MMUT: variants seen among roughly 807,000 people sequenced by gnomAD.
The protein encoded by MMUT is methylmalonyl-CoA mutase, mitochondrial.
Under a neutral mutation model 79.9 loss-of-function variants are expected in MMUT, and 79 were observed. The ratio of observed to expected loss-of-function variants is 0.99; its 90% CI spans 0.82 to 1.19. The LOEUF (loss-of-function observed/expected upper bound fraction) is 1.19, where lower values mean the gene tolerates loss of function less well. Among genes scored for constraint, MMUT ranks in the 50% most tolerant of loss-of-function variants. The pLI, the probability that MMUT is intolerant of heterozygous loss-of-function variation, is 0.00. For synonymous variants in MMUT, 273 were observed against 295.7 expected (o/e 0.92, Z 0.79); for missense variants, 860 against 917.2 (o/e 0.94, Z 0.81).
Position 49,431,628 on chromosome 6 carries a change from A to T in MMUT, c.*100T>A. The T allele has an allele frequency of 3.1e-6, 4 of 1,289,454 alleles. No homozygotes were observed. The highest frequency in any genetic ancestry group is 4.4e-6 in the Non-Finnish European group (4 of 899,754). The allele number at this position is 1,289,454 out of a possible 1,614,324, so 79.9% of individuals were successfully genotyped here. ...AAAGTAAAGCTTTCAAGGAAAGTAC[A>T]AATCAGGTATTGAAATTAAATTGAA... is the stretch of plus-strand genomic sequence containing the variant. On this transcript the variant is annotated 3_prime_UTR_variant, in exon 13 of 13. Transcript: ENST00000274813.
intron 12 of MMUT, 94 bp from the exon 13 acceptor site, chr6:49,431,950 A>C: frequency 7.0e-7 from 1 of 1,433,708 alleles, no homozygotes; most frequent in Non-Finnish European, 9.8e-7. Context: ...TCAATTACCC[A>C]AAACCTTCTC....
At chr6:49,455,345 A>T (rs1767659873) in intron 4 of MMUT, among the ~76,000 whole-genome samples, 1 of 152,214 alleles carries the variant, frequency 6.6e-6, no homozygotes, top group Non-Finnish European at 1.5e-5. Context: ...GCATAAAAAC[A>T]GTTTTGATCT....
intron 9 of MMUT, 50 bp from the exon 10 acceptor site, chr6:49,442,021 A>G (rs1193725281): frequency 1.3e-6 from 2 of 1,538,758 alleles, no homozygotes; most frequent in African/African-American, 1.4e-5. Context: ...TGTGATAAAG[A>G]TATCTGTTTA....
intron 8 of MMUT, among the ~76,000 whole-genome samples, chr6:49,445,119 T>C (rs1767379433): frequency 6.6e-6 from 1 of 152,034 alleles, no homozygotes; most frequent in African/African-American, 2.4e-5. Flanking sequence ...ACACTAAAGA[T>C]TAATAGTGAC....
chr6:49,435,691 G>A, intron 11 of MMUT, 68 bp from the exon 12 acceptor site: 2 of 1,495,918 alleles, frequency 1.3e-6, no homozygotes, highest in Non-Finnish European at 1.8e-6. Flanking sequence ...AACCCTGGAA[G>A]ACAATCTAGG....
chr6:49,452,966 C>A (rs553576203), intron 5 of MMUT, among the ~76,000 whole-genome samples: 4 of 150,498 alleles, frequency 2.7e-5, no homozygotes, highest in African/African-American at 9.8e-5. Context: ...ATAACTCTTA[C>A]AATTATATGA....
Position 49,431,296 on chromosome 6 carries a change from T to G in MMUT, c.*432A>C, listed in dbSNP as rs2127411853. On this transcript the variant is annotated 3_prime_UTR_variant, in exon 13 of 13. Coordinates refer to ENST00000274813, the MANE Select transcript of MMUT (RefSeq NM_000255.4). ...ACTCCACTAGTTTTTCAAGATAGGTTTTTATTAATATATGGATTTTATTTT... is the reference window on the plus strand; with the variant it reads ...ACTCCACTAGTTTTTCAAGATAGGTGTTTATTAATATATGGATTTTATTTT... 1.3e-5 allele frequency: 2 copies of G among 153,802 alleles called. No individual in the cohort carries two copies. The highest frequency in any genetic ancestry group is 4.0e-4 in the South Asian group (2 of 4,948). The allele number at this position is 153,802 out of a possible 1,614,324, so 9.5% of individuals were successfully genotyped here.
intron 4 of MMUT, among the ~76,000 whole-genome samples, chr6:49,454,536 G>A (rs1767639096): frequency 6.6e-6 from 1 of 152,128 alleles, no homozygotes; most frequent in Admixed American, 6.5e-5. Context: ...TTGAATTCCT[G>A]GCCTCATGTG....
rs1767734243 is a variant in MMUT, at chr6:49,457,894, C to T, written c.550G>A (p.Val184Ile). 1 of 1,613,884 alleles carries T rather than the reference C, an allele frequency of 6.2e-7. No homozygotes were observed. The highest frequency in any genetic ancestry group is 8.5e-7 in the Non-Finnish European group (1 of 1,179,916). The change falls in exon 3 of 13, where the codon GTT becomes ATT. Residue 184 changes from valine (V) to isoleucine (I), a missense_variant. Val to Ile is a conservative substitution (Grantham distance 29). Transcript: ENST00000274813. ...ACTGCTCCATTCATAGTCATGGAAA[C>T]TGACATTTTTTCTAAAGGAATTCCA... is the stretch of plus-strand genomic sequence containing the variant. Reference protein sequence around the residue: ...FDGIPLEKMSVSMTMNGAVIP... With the variant: ...FDGIPLEKMSISMTMNGAVIP...
chr6:49,430,550 C>A lies in MMUT; in HGVS notation c.*1178G>T, dbSNP rs1359330125. 1 of 152,050 alleles carries A rather than the reference C, an allele frequency of 6.6e-6. No individual in the cohort carries two copies. The highest frequency in any genetic ancestry group is 1.5e-5 in the Non-Finnish European group (1 of 68,008). 9.4% of individuals were successfully genotyped at this position (152,050 alleles called of 1,614,324 possible). A position where few individuals can be genotyped will look rare whatever the true frequency, so the allele number is the denominator to read the frequency against. Reference sequence around the variant, plus strand: ...AATGGGAACAATAATCATGACAATACCATTCAGATAATCATATTCTGAAAA... The same window carrying A: ...AATGGGAACAATAATCATGACAATAACATTCAGATAATCATATTCTGAAAA... On this transcript the variant is annotated 3_prime_UTR_variant, in exon 13 of 13. Transcript: ENST00000274813.
At chr6:49,462,257 A>G (rs931240098) in intron 1 of MMUT, among the ~76,000 whole-genome samples, 8 of 152,174 alleles carry the variant, frequency 5.3e-5, no homozygotes, top group African/African-American at 1.7e-4. Context: ...GCAATGATTA[A>G]TCCCACCCCC....
At chr6:49,455,722 G>A (rs1341567207) in intron 4 of MMUT, among the ~76,000 whole-genome samples, 1 of 151,848 alleles carries the variant, frequency 6.6e-6, no homozygotes, top group South Asian at 2.1e-4. Flanking sequence ...ACATTAGATA[G>A]TGCAACAGAA....
Position 49,458,018 on chromosome 6 carries a change from T to C in MMUT, c.426A>G (p.Thr142=). The C allele has an allele frequency of 6.2e-7, 1 of 1,603,120 alleles. No individual in the cohort carries two copies. The highest frequency in any genetic ancestry group is 8.5e-7 in the Non-Finnish European group (1 of 1,179,886). ...GGTTGTCTGAATCATAGCCACGATG[T>C]GTCGCCAGATCAAAGGCAACTGATA... The part of the protein sequence containing the change: ...QGLSVAFDLA[T]HRGYDSDNPR... The change falls in exon 3 of 13, where the codon ACA becomes ACG. Residue 142 remains threonine (T), a synonymous_variant. Coordinates refer to ENST00000274813, the MANE Select transcript of MMUT (RefSeq NM_000255.4).
intron 4 of MMUT, among the ~76,000 whole-genome samples, chr6:49,455,117 G>A (rs1362280223): frequency 6.6e-6 from 1 of 151,056 alleles, no homozygotes; most frequent in African/African-American, 2.4e-5. Flanking sequence ...TGAAAAATAA[G>A]TATGCTTCTT....
At chr6:49,437,759 C>G (rs979170116) in intron 11 of MMUT, among the ~76,000 whole-genome samples, 1 of 151,888 alleles carries the variant, frequency 6.6e-6, no homozygotes, top group African/African-American at 2.4e-5. Flanking sequence ...TTCGTTGTTT[C>G]TCATTGTTTT....
chr6:49,440,073 C>T lies in MMUT; in HGVS notation c.1956+133G>A, dbSNP rs1767231575. 9.0e-6 allele frequency: 11 copies of T among 1,227,298 alleles called. No homozygotes were observed. The South Asian group carries it at 1.4e-4, about 15-fold the overall frequency. 76.0% of individuals were successfully genotyped at this position (1,227,298 alleles called of 1,614,324 possible). A position where few individuals can be genotyped will look rare whatever the true frequency, so the allele number is the denominator to read the frequency against. Reference sequence around the variant, plus strand: ...GCAGGAATGGAGAGAAAGGCATTTGCCAAGTCAGTGGCTACATACCAGTTA... The same window carrying T: ...GCAGGAATGGAGAGAAAGGCATTTGTCAAGTCAGTGGCTACATACCAGTTA... On this transcript the variant is annotated intron_variant, in intron 11 of 12. Coordinates refer to ENST00000274813, the MANE Select transcript of MMUT (RefSeq NM_000255.4).
chr6:49,456,211 T>G lies in MMUT; in HGVS notation c.780A>C (p.Ser260=), dbSNP rs1205102913. The change falls in exon 4 of 13, where the codon TCA becomes TCC. Residue 260 remains serine (S), a synonymous_variant. Coordinates refer to ENST00000274813, the MANE Select transcript of MMUT (RefSeq NM_000255.4). ...CTTCCTGCATATGGTATCCACTAAT[T>G]GAAATTGAATTAAATTTTGGCATGT... ...AKHMPKFNSI[S]ISGYHMQEAG... 6.2e-7 allele frequency: 1 copy of G among 1,611,496 alleles called. No homozygotes were observed. Among genetic ancestry groups the G allele is most frequent in the Non-Finnish European group, 8.5e-7 (1 of 1,177,820 alleles).
Position 49,440,061 on chromosome 6 carries a change from G to A in MMUT, c.1956+145C>T, listed in dbSNP as rs1377641023. The A allele has an allele frequency of 1.5e-5, 17 of 1,102,102 alleles. No homozygotes were observed. The Admixed American group carries it at 3.0e-4, about 20-fold the overall frequency. 68.3% of individuals were successfully genotyped at this position (1,102,102 alleles called of 1,614,324 possible). A position where few individuals can be genotyped will look rare whatever the true frequency, so the allele number is the denominator to read the frequency against. ...TGGGCCTTATGGGCAGGAATGGAGA[G>A]AAAGGCATTTGCCAAGTCAGTGGCT... On this transcript the variant is annotated intron_variant, in intron 11 of 12. Transcript: ENST00000274813.
chr6:49,455,789 G>A (rs1439584703), intron 4 of MMUT, among the ~76,000 whole-genome samples: 1 of 152,034 alleles, frequency 6.6e-6, no homozygotes, highest in African/African-American at 2.4e-5. Context: ...AGAAAAAACT[G>A]TCTCAACATT....
Sources: allele counts gnomAD v4.1 joint callset (sites outside exome capture counted in the v4.1 genomes callset), GRCh38; gene constraint gnomAD v4.1.1; transcripts MANE v1.5; gene names NCBI Gene and HGNC (gene_info 2026-07-23, HGNC 2026-07-21).